LRRC72: variants seen among roughly 807,000 people sequenced by gnomAD.
The protein encoded by LRRC72 is leucine-rich repeat-containing protein 72.
Under a neutral mutation model 35.8 loss-of-function variants are expected in LRRC72, and 41 were observed. The ratio of observed to expected loss-of-function variants is 1.15; its 90% CI spans 0.89 to 1.49. LRRC72 has a LOEUF of 1.49. Among genes scored for constraint, LRRC72 ranks in the 40% most tolerant of loss-of-function variants. LRRC72 has a pLI of 0.00. For missense variants in LRRC72, 389 were observed against 330.7 expected (o/e 1.18, Z -1.37); for synonymous variants, 118 against 119.2 (o/e 0.99, Z 0.07).
At chr7:16,555,643 G>C (rs906927009) in intron 3 of LRRC72, among the ~76,000 whole-genome samples, 1 of 152,060 alleles carries the variant, frequency 6.6e-6, no homozygotes, top group Non-Finnish European at 1.5e-5. Context: ...ATGGCGGCAT[G>C]TGCCTGTAGT....
intron 4 of LRRC72, among the ~76,000 whole-genome samples, chr7:16,558,102 C>G (rs1357781646): frequency 1.3e-5 from 2 of 152,232 alleles, no homozygotes; most frequent in Middle Eastern, 3.4e-3. Flanking sequence ...AATTTACAAT[C>G]TATGAAAATG....
intron 5 of LRRC72, among the ~76,000 whole-genome samples, chr7:16,561,677 G>A (rs1782745995): frequency 6.6e-6 from 1 of 152,138 alleles, no homozygotes; most frequent in African/African-American, 2.4e-5. Context: ...TTGAAATGGA[G>A]AAAATGCTAT....
At chr7:16,574,567 A>G (rs1330806916) in intron 7 of LRRC72, among the ~76,000 whole-genome samples, 4 of 152,084 alleles carry the variant, frequency 2.6e-5, no homozygotes, top group Non-Finnish European at 5.9e-5. Context: ...CAAACACTGC[A>G]TGTTCTCACT....
chr7:16,539,045 C>T (rs1782311774), intron 3 of LRRC72, among the ~76,000 whole-genome samples: 1 of 152,190 alleles, frequency 6.6e-6, no homozygotes, highest in African/African-American at 2.4e-5. Flanking sequence ...GTGGAAGTAA[C>T]TTTGGAACTG....
chr7:16,548,709 G>A (rs556415699), intron 3 of LRRC72, among the ~76,000 whole-genome samples: 2 of 152,194 alleles, frequency 1.3e-5, no homozygotes, highest in Non-Finnish European at 2.9e-5. Context: ...GATCCAAGCT[G>A]GTAGCAGGAG....
chr7:16,540,363 A>T (rs904666308), intron 3 of LRRC72, among the ~76,000 whole-genome samples: 1 of 152,184 alleles, frequency 6.6e-6, no homozygotes, highest in Non-Finnish European at 1.5e-5. Flanking sequence ...CTGTACCTCC[A>T]TTGTATCTTG....
Position 16,581,536 on chromosome 7 carries a change from A to G in LRRC72, c.*47A>G. On this transcript the variant is annotated 3_prime_UTR_variant, in exon 9 of 9. Transcript: ENST00000401542. The stretch of plus-strand genomic sequence containing the variant: ...TTAGTGGTTTTCAGTTGTATATTAA[A>G]CTTCCCTGTGACTTAGCATATTACA... 7.2e-7 allele frequency: 1 copy of G among 1,389,440 alleles called. No individual in the cohort carries two copies. The highest frequency in any genetic ancestry group is 9.5e-7 in the Non-Finnish European group (1 of 1,056,370). The allele number at this position is 1,389,440 out of a possible 1,614,324, so 86.1% of individuals were successfully genotyped here. A position where few individuals can be genotyped will look rare whatever the true frequency, so the allele number is the denominator to read the frequency against.
intron 7 of LRRC72, among the ~76,000 whole-genome samples, chr7:16,571,738 C>A (rs772281801): frequency 6.6e-6 from 1 of 152,146 alleles, no homozygotes; most frequent in Non-Finnish European, 1.5e-5. Flanking sequence ...ACCACCAGGG[C>A]CCTGGGTTTC....
intron 5 of LRRC72, among the ~76,000 whole-genome samples, chr7:16,565,861 G>T (rs1782829526): frequency 1.3e-5 from 2 of 152,198 alleles, no homozygotes; most frequent in South Asian, 4.1e-4. Context: ...TTCTATTAGA[G>T]CCGGGTGTTG....
At chr7:16,567,317 G>C in intron 6 of LRRC72, 74 bp from the exon 7 acceptor site, 4 of 1,032,398 alleles carry the variant, frequency 3.9e-6, no homozygotes, top group South Asian at 2.7e-5. Flanking sequence ...ATTCTTGAAA[G>C]TGTTCAGTTC....
Position 16,564,198 on chromosome 7 carries a change from A to G in LRRC72, c.428-2115A>G, listed in dbSNP as rs1583648997. Among the ~76,000 whole-genome samples, 3 of 152,230 alleles carry G rather than the reference A, an allele frequency of 2.0e-5. No homozygotes were observed. In the East Asian group the frequency reaches 5.8e-4, roughly 29 times the overall value. On this transcript the variant is annotated intron_variant, in intron 5 of 8. Transcript: ENST00000401542. ...AGATGCTATAATGTATAACAGGGTTATGAGGTGTCAGATGTGATTCCCCAA... is the reference window on the plus strand; with the variant it reads ...AGATGCTATAATGTATAACAGGGTTGTGAGGTGTCAGATGTGATTCCCCAA...
intron 7 of LRRC72, among the ~76,000 whole-genome samples, chr7:16,571,272 C>T (rs1364680193): frequency 1.3e-5 from 2 of 152,070 alleles, no homozygotes; most frequent in African/African-American, 2.4e-5. Context: ...TTTGTTCAGG[C>T]CGTGAGGGAA....
At chr7:16,533,163 A>T (rs1473841884) in intron 2 of LRRC72, among the ~76,000 whole-genome samples, 1 of 152,094 alleles carries the variant, frequency 6.6e-6, no homozygotes, top group African/African-American at 2.4e-5. Flanking sequence ...ATTATTAGGA[A>T]TCATTATACC....
At chr7:16,571,836 G>A (rs1782951128) in intron 7 of LRRC72, among the ~76,000 whole-genome samples, 1 of 152,178 alleles carries the variant, frequency 6.6e-6, no homozygotes, top group South Asian at 2.1e-4. Flanking sequence ...TGGAATGCCA[G>A]AGAGACAGAA....
intron 3 of LRRC72, among the ~76,000 whole-genome samples, chr7:16,549,872 A>ATGTACT (rs1554394469): frequency 6.6e-6 from 1 of 151,824 alleles, no homozygotes; most frequent in Admixed American, 6.6e-5. Context: ...ATAAAAGGAA[A>ATGTACT]TATATCTGCA....
intron 3 of LRRC72, among the ~76,000 whole-genome samples, chr7:16,554,035 A>G (rs73297290): frequency 0.05 from 7,579 of 152,264 alleles, 677 homozygotes; most frequent in African/African-American, 0.17. Flanking sequence ...GATAATAATA[A>G]TAACATTTTA....
At chr7:16,558,830 TA>T (rs1395682284) in intron 4 of LRRC72, 58 bp from the exon 5 acceptor site, 29 of 1,071,752 alleles carry the variant, frequency 2.7e-5, no homozygotes, top group Admixed American at 3.3e-5. Flanking sequence ...TTATTTGCAA[TA>T]AAAAAATAAA....
At chr7:16,561,358 C>G (rs1040425182) in intron 5 of LRRC72, among the ~76,000 whole-genome samples, 2 of 152,284 alleles carry the variant, frequency 1.3e-5, no homozygotes, top group East Asian at 3.9e-4. Context: ...CTTACTCCCA[C>G]AGTAATAAAC....
chr7:16,528,779 TC>T (rs1782115446), intron 1 of LRRC72, among the ~76,000 whole-genome samples: 1 of 152,150 alleles, frequency 6.6e-6, no homozygotes, highest in Non-Finnish European at 1.5e-5. Flanking sequence ...AGTAATATCT[TC>T]CTATTGCCCC....
Sources: gnomAD v4.1 joint callset for allele counts (sites outside exome capture counted in the v4.1 genomes callset) on GRCh38, gnomAD v4.1.1 for gene constraint, MANE v1.5 for transcripts, NCBI Gene and HGNC (gene_info 2026-07-23, HGNC 2026-07-21) for gene names.